The following LEF1 variants were observed in gnomAD, a reference collection of about 807,000 sequenced individuals.
LEF1 encodes lymphoid enhancer binding factor 1.
Under a neutral mutation model 51.2 loss-of-function variants are expected in LEF1, and 14 were observed. That is an observed-to-expected ratio of 0.27 (90% CI 0.18 to 0.43). The LOEUF (loss-of-function observed/expected upper bound fraction) is 0.43. LEF1 is among the 20% of genes least tolerant of loss of function. The pLI is 1.00. For missense variants in LEF1, 386 were observed against 512.0 expected (o/e 0.75, Z 2.37); for synonymous variants, 185 against 183.2 (o/e 1.01, Z -0.08).
intron 3 of LEF1, among the ~76,000 whole-genome samples, chr4:108,118,661 A>AT (rs1431896917): frequency 3.3e-5 from 5 of 151,990 alleles, no homozygotes; most frequent in Non-Finnish European, 5.9e-5. Flanking sequence ...TTGTTTACCT[A>AT]TTTTTTTTAA....
At chr4:108,065,287 C>G (rs2126268335) in intron 9 of LEF1, among the ~76,000 whole-genome samples, 1 of 152,276 alleles carries the variant, frequency 6.6e-6, no homozygotes, top group African/African-American at 2.4e-5. Context: ...GAGTTCAAGA[C>G]TAGCCTGACC....
rs1161381377 is a variant in LEF1 at position 108,167,755 on chromosome 4, A to C, written c.13T>G (p.Ser5Ala). 1 of 1,612,606 alleles carries C rather than the reference A, an allele frequency of 6.2e-7. No homozygotes were observed. The highest frequency in any genetic ancestry group is 1.7e-5 in the Admixed American group (1 of 60,018). ...CCCCCGCCGCCGCCACCTCCTCCGG[A>C]GAGTTGGGGCATCCCGGCGGCTCTG... Reference protein sequence around the residue: MPQLSGGGGGGGGDP... With the variant: MPQLAGGGGGGGGDP... Residue 5 changes from serine to alanine, a missense_variant, in exon 1 of 12, where the codon TCC (serine) becomes GCC (alanine). Transcript: ENST00000265165. This position sits in a 1 kb window ranked among gnomAD's most constrained non-coding sequence, Gnocchi z 5.7.
chr4:108,140,053 A>G (rs1290331271), intron 3 of LEF1, among the ~76,000 whole-genome samples: 1 of 152,062 alleles, frequency 6.6e-6, no homozygotes, highest in Non-Finnish European at 1.5e-5. Context: ...TCAGCTTTCA[A>G]TAAACATAAA....
chr4:108,062,704 G>A (rs143650018), intron 11 of LEF1, among the ~76,000 whole-genome samples: 1 of 152,160 alleles, frequency 6.6e-6, no homozygotes, highest in Non-Finnish European at 1.5e-5. Flanking sequence ...AATTATTAAC[G>A]TGTATTACAG....
intron 11 of LEF1, among the ~76,000 whole-genome samples, chr4:108,057,475 T>C (rs545210707): frequency 4.6e-5 from 7 of 152,230 alleles, no homozygotes; most frequent in African/African-American, 1.4e-4. Context: ...ATTTTTCTCA[T>C]TGAGACCACT....
intron 8 of LEF1, among the ~76,000 whole-genome samples, chr4:108,073,486 AC>A (rs1015032442): frequency 6.6e-6 from 1 of 152,178 alleles, no homozygotes; most frequent in African/African-American, 2.4e-5. Context: ...AAAATTAGGG[AC>A]AAAAAAAATA....
At chr4:108,097,835 G>C (rs1388052769) in intron 3 of LEF1, among the ~76,000 whole-genome samples, 1 of 152,152 alleles carries the variant, frequency 6.6e-6, no homozygotes, top group Non-Finnish European at 1.5e-5. Flanking sequence ...CTGAAGTGTA[G>C]TCAGCTTGAT....
chr4:108,091,445 C>T (rs1209917651), intron 3 of LEF1, among the ~76,000 whole-genome samples: 1 of 111,352 alleles, frequency 9.0e-6, no homozygotes, highest in Non-Finnish European at 2.3e-5. Context: ...AAGAAACTTA[C>T]GGGGGGGGGA....
intron 3 of LEF1, among the ~76,000 whole-genome samples, chr4:108,131,907 G>A (rs1204673648): frequency 6.6e-6 from 1 of 152,190 alleles, no homozygotes; most frequent in Admixed American, 6.5e-5. Context: ...ATGAAATCAG[G>A]GTTATTTCTT....
At chr4:108,143,329 A>T (rs1220491428) in intron 3 of LEF1, among the ~76,000 whole-genome samples, 1 of 152,206 alleles carries the variant, frequency 6.6e-6, no homozygotes, top group African/African-American at 2.4e-5. Context: ...TCAGCAAGAA[A>T]ACCTGAATAA....
rs115521282 is a variant in LEF1 at position 108,161,180 on chromosome 4, T to C, written c.414+2388A>G. On this transcript the variant is annotated intron_variant, in intron 3 of 11. Transcript: ENST00000265165. Reference sequence around the variant, plus strand: ...AAGAGAGGCTGTCTTCCGGTTAGTGTTTTTGATCTCCGACACATTAAAAAC... The same window carrying C: ...AAGAGAGGCTGTCTTCCGGTTAGTGCTTTTGATCTCCGACACATTAAAAAC... Among the ~76,000 whole-genome samples the C allele has an allele frequency of 8.7e-3, 1,325 of 152,262 alleles. 10 individuals are homozygous for C. Among genetic ancestry groups the C allele is most frequent in the Middle Eastern group, 0.017 (5 of 294 alleles).
intron 8 of LEF1, among the ~76,000 whole-genome samples, chr4:108,076,302 G>A (rs549560777): frequency 3.8e-4 from 58 of 152,288 alleles, no homozygotes; most frequent in African/African-American, 1.3e-3. Context: ...GCTCCAGAAA[G>A]GGGCTGTACC....
At chr4:108,134,618 C>T (rs1257010991) in intron 3 of LEF1, among the ~76,000 whole-genome samples, 3 of 152,142 alleles carry the variant, frequency 2.0e-5, no homozygotes, top group African/African-American at 7.2e-5. Context: ...AATGTGATTC[C>T]AAAACAGGAT....
intron 7 of LEF1, among the ~76,000 whole-genome samples, chr4:108,078,838 T>C (rs1435130762): frequency 3.3e-5 from 5 of 152,090 alleles, no homozygotes; most frequent in Admixed American, 2.0e-4. Context: ...AGCTAATAAA[T>C]CTTTAGACCT....
chr4:108,166,511 G>A, intron 1 of LEF1: 1 of 1,348,338 alleles, frequency 7.4e-7, no homozygotes, highest in South Asian at 1.6e-5. Flanking sequence ...TGTGGAACAA[G>A]GGTGACCAGT....
chr4:108,130,539 T>C (rs1215486023), intron 3 of LEF1, among the ~76,000 whole-genome samples: 2 of 145,990 alleles, frequency 1.4e-5, no homozygotes, highest in African/African-American at 5.1e-5. Context: ...AGTCAATTGG[T>C]GAAACCCTGT....
intron 11 of LEF1, among the ~76,000 whole-genome samples, chr4:108,058,636 G>A (rs571330886): frequency 6.6e-5 from 10 of 152,112 alleles, no homozygotes; most frequent in East Asian, 1.9e-4. Flanking sequence ...ATTTCACTCC[G>A]ATTTATATAC....
intron 11 of LEF1, among the ~76,000 whole-genome samples, chr4:108,063,206 A>G (rs1578294146): frequency 6.6e-6 from 1 of 152,186 alleles, no homozygotes; most frequent in Non-Finnish European, 1.5e-5. Context: ...AAAAGTCTCT[A>G]CTGAGCAAAA....
At chr4:108,065,501 AC>A (rs565423666) in intron 9 of LEF1, among the ~76,000 whole-genome samples, 53 of 152,266 alleles carry the variant, frequency 3.5e-4, no homozygotes, top group African/African-American at 1.2e-3. Flanking sequence ...AAAAATAATA[AC>A]AATCTTGAAA....
Sources: allele counts gnomAD v4.1 joint callset (sites outside exome capture counted in the v4.1 genomes callset), GRCh38; gene constraint gnomAD v4.1.1; non-coding constraint Gnocchi (gnomAD v3.1); transcripts MANE v1.5; gene names NCBI Gene and HGNC (gene_info 2026-07-23, HGNC 2026-07-21).